Variants in CPLANE1 observed in about 807,000 individuals in gnomAD.
CPLANE1 encodes ciliogenesis and planar polarity effector complex subunit 1, also known as ciliogenesis and planar polarity effector 1.
A neutral mutation model predicts 362.5 loss-of-function variants in CPLANE1; 263 were observed. The ratio of observed to expected loss-of-function variants is 0.73; its 90% CI spans 0.66 to 0.80. The LOEUF is 0.80. Ranked by LOEUF, CPLANE1 falls within the 30% of genes least tolerant of loss-of-function variation. The probability of loss-of-function intolerance (pLI) is 0.00; values close to 1 mark genes in which losing one functional copy is unlikely to be tolerated. For missense variants in CPLANE1, 3,461 were observed against 3,793.4 expected (o/e 0.91, Z 2.30); for synonymous variants, 1,212 against 1,302.6 (o/e 0.93, Z 1.50).
chr5:37,224,824 TGCCTGTA>T, intron 12 of CPLANE1, 84 bp from the exon 13 acceptor site: 12 of 834,828 alleles, frequency 1.4e-5, no homozygotes, highest in Non-Finnish European at 2.1e-5. Flanking sequence ...TTTTTTTTTT[TGCCTGTA>T]TTCTTCATCG....
At chr5:37,092,644 A>G in the CPLANE1 span, among the ~76,000 whole-genome samples, 4 of 152,174 alleles carry the variant, frequency 2.6e-5, no homozygotes. Flanking sequence ...TTCCCCTATG[A>G]TTTGGGCCAA....
Position 37,182,895 on chromosome 5 carries a change from A to C in CPLANE1, c.5286T>G (p.Ser1762=), listed in dbSNP as rs1783064885. ...ACTCAGAGGATGACTCAGTTATACC[A>C]GAATCACAGAGTAGCCTTCTATTAG... The part of the protein sequence containing the change: ...RWSNRRLLCD[S]GITESSSEYS... The change falls in exon 26 of 53, where the codon TCT becomes TCG. Residue 1762 remains serine, a synonymous_variant. Coordinates refer to ENST00000651892, the MANE Select transcript of CPLANE1 (RefSeq NM_001384732.1). 1 of 1,607,466 alleles carries C rather than the reference A, an allele frequency of 6.2e-7. No individual in the cohort carries two copies. Among genetic ancestry groups the C allele is most frequent in the Admixed American group, 1.7e-5 (1 of 58,436 alleles).
In CPLANE1 at chr5:37,207,858, T is replaced by C. The variant is rs187930685; in HGVS notation, c.2921-1433A>G. Among the ~76,000 whole-genome samples, 30 of 152,340 alleles carry C rather than the reference T, an allele frequency of 2.0e-4. No individual in the cohort carries two copies. In the East Asian group the frequency reaches 4.0e-3, roughly 21 times the overall value. On this transcript the variant is annotated intron_variant, in intron 16 of 52. Coordinates refer to ENST00000651892, the MANE Select transcript of CPLANE1 (RefSeq NM_001384732.1). ...ATTTCTTAACATGGCTTACATCATC[T>C]GGCCCCTTTACTGAATGCAACTCAT...
At chr5:37,154,331 A>G (rs1351268499) in intron 41 of CPLANE1, among the ~76,000 whole-genome samples, 2 of 152,126 alleles carry the variant, frequency 1.3e-5, no homozygotes, top group African/African-American at 4.8e-5. Context: ...AGCTATCCCC[A>G]ATATTGGCTA....
chr5:37,231,699 T>G (rs980608337), intron 8 of CPLANE1, among the ~76,000 whole-genome samples: 4 of 152,178 alleles, frequency 2.6e-5, no homozygotes, highest in Non-Finnish European at 5.9e-5. Context: ...TTAGAGTCCC[T>G]CTCAACAGCA....
the CPLANE1 span, among the ~76,000 whole-genome samples, chr5:37,075,942 T>G: frequency 6.6e-6 from 1 of 151,866 alleles, no homozygotes; most frequent in Non-Finnish European, 1.5e-5. Flanking sequence ...GGTATTGCAC[T>G]CACTTAAGAA....
chr5:37,178,546 C>G (rs927440103), intron 29 of CPLANE1, among the ~76,000 whole-genome samples: 3 of 148,788 alleles, frequency 2.0e-5, no homozygotes, highest in Non-Finnish European at 1.5e-5. Context: ...CCAGGAATTC[C>G]AGGCTGCAGT....
rs566588740 is a variant in CPLANE1 at position 37,239,714 on chromosome 5, T to C, written c.833A>G (p.Lys278Arg). The change falls in exon 7 of 53, where the codon AAG (lysine) becomes AGG (arginine). Residue 278 changes from lysine to arginine, a missense_variant and splice_region_variant. By Grantham distance (26) the Lys-to-Arg change is conservative. Transcript: ENST00000651892. ...TTTCTAAGACAGATATTTACTGACC[T>C]TGGGGTCTTTCTGATTAAGAGTTAC... Reference protein sequence around the residue: ...LAVTLNQKDPKATQVLFINTL... With the variant: ...LAVTLNQKDPRATQVLFINTL... 6.7e-7 allele frequency: 1 copy of C among 1,501,040 alleles called. No homozygotes were observed. The highest frequency in any genetic ancestry group is 2.1e-5 in the Admixed American group (1 of 46,646). 93.0% of individuals were successfully genotyped at this position (1,501,040 alleles called of 1,614,324 possible).
chr5:37,213,412 TTC>T, intron 16 of CPLANE1, 145 bp downstream of exon 16: 1 of 491,412 alleles, frequency 2.0e-6, no homozygotes, highest in Non-Finnish European at 3.3e-6. Context: ...TCAGATTCTA[TTC>T]ATTCATAGTC....
intron 21 of CPLANE1, among the ~76,000 whole-genome samples, chr5:37,193,969 T>C (rs1191874435): frequency 1.3e-5 from 2 of 150,768 alleles, no homozygotes; most frequent in Non-Finnish European, 1.5e-5. Flanking sequence ...TCACCCAGGC[T>C]GGAGTACAAT....
chr5:37,208,051 C>G (rs13356505), intron 16 of CPLANE1, among the ~76,000 whole-genome samples: 8,097 of 152,242 alleles, frequency 0.053, 671 homozygotes, highest in African/African-American at 0.18. Flanking sequence ...TGGGCTCAAG[C>G]AATCCTCCTG....
At chr5:37,141,827 T>G in intron 44 of CPLANE1, 1 of 957,328 alleles carries the variant, frequency 1.0e-6, no homozygotes, top group Non-Finnish European at 1.2e-6. Flanking sequence ...TGGCACTAAA[T>G]CCTTCTAAAT....
Position 37,196,646 on chromosome 5 carries a change from C to G in CPLANE1, c.3673-650G>C, listed in dbSNP as rs117487993. Among the ~76,000 whole-genome samples, 271 of 152,232 alleles carry G rather than the reference C, an allele frequency of 1.8e-3. 3 individuals are homozygous for G. In the East Asian group the frequency reaches 0.044, roughly 25 times the overall value. On this transcript the variant is annotated intron_variant, in intron 20 of 52. Transcript: ENST00000651892. ...GATTCATTTCTAAAAAAATTTGAGG[C>G]CAAGCGAGGTGGATCACACCTGTAA...
intron 8 of CPLANE1, among the ~76,000 whole-genome samples, chr5:37,237,451 CG>C: frequency 6.6e-6 from 1 of 152,194 alleles, no homozygotes; most frequent in East Asian, 1.9e-4. Context: ...TACTAAAAGA[CG>C]GGAGGGGAGT....
intron 21 of CPLANE1, among the ~76,000 whole-genome samples, chr5:37,194,235 T>C (rs1580617072): frequency 1.3e-5 from 2 of 152,162 alleles, no homozygotes; most frequent in East Asian, 3.8e-4. Flanking sequence ...AAGGAAACTT[T>C]TTAATCTAGC....
downstream of CPLANE1, among the ~76,000 whole-genome samples, chr5:37,103,933 C>T (rs1757417848): frequency 6.6e-6 from 1 of 152,118 alleles, no homozygotes; most frequent in South Asian, 2.1e-4. Flanking sequence ...TGGGGAAGTT[C>T]TCTTGGATGA....
intron 16 of CPLANE1, chr5:37,210,813 A>G: frequency 9.6e-7 from 1 of 1,043,248 alleles, no homozygotes; most frequent in Non-Finnish European, 1.5e-6. Context: ...GGTCTTTCAG[A>G]AAGAACTAAG....
Position 37,230,952 on chromosome 5 carries a change from C to A in CPLANE1, c.1036G>T (p.Glu346Ter), listed in dbSNP as rs1469773488. Residue 346 changes from glutamate (E) to a stop codon, truncating the protein, a stop_gained, in exon 9 of 53, where the codon GAA becomes TAA. Transcript: ENST00000651892. LOFTEE classifies it high-confidence loss of function. ...CCAAATGTAATTAATGTTAGCAATT[C>A]ACCTTGGCAGGTCAATAAAACCAGA... The part of the protein sequence containing the change: ...GSLVLLTCQG[E>*]LLTLITFGCS... 6.4e-7 allele frequency: 1 copy of A among 1,550,618 alleles called. No individual in the cohort carries two copies. The highest frequency in any genetic ancestry group is 8.7e-7 in the Non-Finnish European group (1 of 1,146,508).
In CPLANE1 at chr5:37,192,425, A is replaced by C. The variant is rs548448262; in HGVS notation, c.3811+3433T>G. The stretch of plus-strand genomic sequence containing the variant: ...GTGTGTATGAGGCTATTTTTGTCTA[A>C]GTATATCCTATGGTCACACAACAAA... On this transcript the variant is annotated intron_variant, in intron 21 of 52. Coordinates refer to ENST00000651892, the MANE Select transcript of CPLANE1 (RefSeq NM_001384732.1). Among the ~76,000 whole-genome samples, 9 of 152,302 alleles carry C rather than the reference A, an allele frequency of 5.9e-5. No individual in the cohort carries two copies. The South Asian group carries it at 1.9e-3, about 32-fold the overall frequency.
Sources: allele counts gnomAD v4.1 joint callset (sites outside exome capture counted in the v4.1 genomes callset), GRCh38; gene constraint gnomAD v4.1.1; transcripts MANE v1.5; gene names NCBI Gene and HGNC (gene_info 2026-07-23, HGNC 2026-07-21).